RAPGEF6: variants seen among roughly 807,000 people sequenced by gnomAD.
RAPGEF6 encodes PDZ domain containing guanine nucleotide exchange factor (GEF) 2.
A neutral mutation model predicts 171.4 loss-of-function variants in RAPGEF6; 56 were observed. The observed-to-expected ratio is 0.33, with a 90% CI of 0.26 to 0.41. The LOEUF is 0.41. Among genes scored for constraint, RAPGEF6 ranks in the 10% least tolerant of loss-of-function variants. RAPGEF6 has a pLI of 1.00. For missense variants in RAPGEF6, 1,674 were observed against 1,921.4 expected, an observed-to-expected ratio of 0.87 and a Z score of 2.41; for synonymous variants, 692 against 650.1, an observed-to-expected ratio of 1.06 and a Z score of -0.98.
intron 17 of RAPGEF6, among the ~76,000 whole-genome samples, chr5:131,471,833 A>T (rs1754762083): frequency 6.6e-6 from 1 of 152,186 alleles, no homozygotes; most frequent in South Asian, 2.1e-4. Flanking sequence ...TGACAAATAC[A>T]ACTTCAGCTT....
chr5:131,452,228 A>AT (rs1162973500), intron 21 of RAPGEF6, among the ~76,000 whole-genome samples: 4 of 151,898 alleles, frequency 2.6e-5, no homozygotes, highest in African/African-American at 9.7e-5. Context: ...TCAAAAAAAA[A>AT]AAAAAATTAC....
chr5:131,520,407 T>C (rs1758398944), intron 7 of RAPGEF6, among the ~76,000 whole-genome samples: 1 of 152,216 alleles, frequency 6.6e-6, no homozygotes. Flanking sequence ...TAAATACATG[T>C]TGTAATTATA....
At chr5:131,605,491 A>T (rs1227234976) in intron 1 of RAPGEF6, among the ~76,000 whole-genome samples, 1 of 152,234 alleles carries the variant, frequency 6.6e-6, no homozygotes, top group Non-Finnish European at 1.5e-5. Flanking sequence ...TTAAAGTATA[A>T]TAAAAAATAA....
At chr5:131,428,202 A>T (rs1238596203) in intron 27 of RAPGEF6, among the ~76,000 whole-genome samples, 2 of 152,112 alleles carry the variant, frequency 1.3e-5, no homozygotes, top group Admixed American at 6.6e-5. Context: ...TCAGGCCAGG[A>T]GTTCAAAACC....
Position 131,564,973 on chromosome 5 carries a change from AT to A in RAPGEF6, c.282-2927del, listed in dbSNP as rs200445265. On this transcript the variant is annotated intron_variant, in intron 4 of 27. Coordinates refer to ENST00000509018, the MANE Select transcript of RAPGEF6 (RefSeq NM_016340.6). ...CAATTTTCCATCTATTAGTTTTAGCATTTTTTTTATCAGTACGTAGACTGAA... is the reference window on the plus strand; with the variant it reads ...CAATTTTCCATCTATTAGTTTTAGCATTTTTTTATCAGTACGTAGACTGAA... 1.5e-3 allele frequency among the ~76,000 whole-genome samples: 233 copies of A among 151,936 alleles called. 1 individual carries two copies. In the East Asian group the frequency reaches 0.019, roughly 13 times the overall value.
intron 15 of RAPGEF6, among the ~76,000 whole-genome samples, chr5:131,487,047 C>T (rs191973955): frequency 7.9e-5 from 12 of 152,208 alleles, no homozygotes; most frequent in Admixed American, 3.3e-4. Context: ...TGGTTCCTTC[C>T]GGTGGGTTCC....
intron 24 of RAPGEF6, among the ~76,000 whole-genome samples, chr5:131,438,733 T>C (rs1752186361): frequency 6.6e-6 from 1 of 152,314 alleles, no homozygotes; most frequent in African/African-American, 2.4e-5. Flanking sequence ...GTCTGAATTA[T>C]GAAAACACGT....
chr5:131,530,441 G>C (rs1485998323), intron 6 of RAPGEF6, among the ~76,000 whole-genome samples: 1 of 152,124 alleles, frequency 6.6e-6, no homozygotes, highest in Non-Finnish European at 1.5e-5. Context: ...AATGAATTCA[G>C]AAGTAGTAAA....
intron 1 of RAPGEF6, among the ~76,000 whole-genome samples, chr5:131,626,847 T>C (rs1334794784): frequency 1.3e-5 from 2 of 152,144 alleles, no homozygotes; most frequent in East Asian, 3.9e-4. Flanking sequence ...CTGAAATAAA[T>C]ATTAACAGCT....
At chr5:131,619,333 G>T (rs879664642) in intron 1 of RAPGEF6, among the ~76,000 whole-genome samples, 1 of 152,066 alleles carries the variant, frequency 6.6e-6, no homozygotes. Flanking sequence ...TGGAGGGCGG[G>T]GGGGCATAGC....
chr5:131,603,285 A>C lies in RAPGEF6; in HGVS notation c.183T>G (p.Asn61Lys). ...GAAATACTTACCAAAAGAGAACCTG[A>C]TTGCCACTGTATCTCTCATAGCGTG... The part of the protein sequence containing the change: ...ARARYERYSG[N>K]QVLFCSETIA... Residue 61 changes from asparagine (N) to lysine (K), a missense_variant, in exon 3 of 28, where the codon AAT becomes AAG. By Grantham distance (94) the Asn-to-Lys change is moderately conservative. This residue lies in a region of RAPGEF6 where 1,116 missense variants were observed against 1,321.5 expected (regional missense o/e 0.84). Transcript: ENST00000509018. 1 of 1,584,892 alleles carries C rather than the reference A, an allele frequency of 6.3e-7. No individual in the cohort carries two copies. The highest frequency in any genetic ancestry group is 8.6e-7 in the Non-Finnish European group (1 of 1,167,736).
intron 6 of RAPGEF6, among the ~76,000 whole-genome samples, chr5:131,538,001 G>A (rs1759884650): frequency 6.6e-6 from 1 of 152,170 alleles, no homozygotes; most frequent in South Asian, 2.1e-4. Flanking sequence ...GCTGAGGTGA[G>A]AGGATCCCTT....
intron 6 of RAPGEF6, among the ~76,000 whole-genome samples, chr5:131,524,548 T>C (rs1266495910): frequency 2.7e-5 from 4 of 147,118 alleles, no homozygotes; most frequent in Admixed American, 6.8e-5. Context: ...ATATAGCTTA[T>C]AGATGGGAGA....
At chr5:131,576,533 C>T (rs1762614221) in intron 4 of RAPGEF6, among the ~76,000 whole-genome samples, 1 of 152,196 alleles carries the variant, frequency 6.6e-6, no homozygotes, top group Non-Finnish European at 1.5e-5. Context: ...GGCTGCTCTA[C>T]TGCCCAAGGA....
chr5:131,517,052 A>C (rs1758130914), intron 7 of RAPGEF6, among the ~76,000 whole-genome samples: 1 of 152,176 alleles, frequency 6.6e-6, no homozygotes, highest in East Asian at 1.9e-4. Context: ...CTTACTTATA[A>C]GTGGGCGCTA....
intron 15 of RAPGEF6, among the ~76,000 whole-genome samples, chr5:131,487,232 T>C (rs1219947631): frequency 6.6e-6 from 1 of 152,214 alleles, no homozygotes; most frequent in African/African-American, 2.4e-5. Flanking sequence ...GCGGCGAGTG[T>C]TACAGCTCTT....
chr5:131,481,042 C>G (rs1033199100), intron 15 of RAPGEF6, among the ~76,000 whole-genome samples: 4 of 151,926 alleles, frequency 2.6e-5, no homozygotes, highest in Middle Eastern at 3.4e-3. Context: ...AGAGGTTATC[C>G]TGCCTCCCAA....
chr5:131,435,110 A>G (rs944113491), intron 24 of RAPGEF6, among the ~76,000 whole-genome samples: 3 of 152,194 alleles, frequency 2.0e-5, no homozygotes, highest in Admixed American at 1.3e-4. Context: ...AGTTATTCAC[A>G]TATAACTCAA....
chr5:131,614,765 T>C (rs1765165203), intron 1 of RAPGEF6, among the ~76,000 whole-genome samples: 1 of 152,222 alleles, frequency 6.6e-6, no homozygotes, highest in Admixed American at 6.5e-5. Flanking sequence ...AGCAGTAGTA[T>C]CTACCAAATC....
Sources: allele counts gnomAD v4.1 joint callset (sites outside exome capture counted in the v4.1 genomes callset), GRCh38; gene constraint gnomAD v4.1.1; regional missense constraint gnomAD v4.1.1; transcripts MANE v1.5; gene names NCBI Gene and HGNC (gene_info 2026-07-23, HGNC 2026-07-21).